POLE: variants seen among roughly 807,000 people sequenced by gnomAD.
POLE encodes the protein DNA polymerase epsilon catalytic subunit A.
POLE carries 188 observed loss-of-function variants against 279.2 expected under a neutral mutation model. That is an observed-to-expected ratio of 0.67 (90% CI 0.60 to 0.76). POLE has a LOEUF of 0.76. Among genes scored for constraint, POLE ranks in the 30% least tolerant of loss-of-function variants. The pLI is 0.00. For synonymous variants in POLE, 1,214 were observed against 1,172.5 expected, an observed-to-expected ratio of 1.04 and a Z score of -0.72; for missense variants, 2,703 against 3,016.7, an observed-to-expected ratio of 0.90 and a Z score of 2.44.
intron 45 of POLE, among the ~76,000 whole-genome samples, chr12:132,627,235 T>C (rs1445607331): frequency 6.6e-6 from 1 of 151,844 alleles, no homozygotes; most frequent in Non-Finnish European, 1.5e-5. Flanking sequence ...TTAGCCAAGA[T>C]TGCACCACTG....
At chr12:132,653,729 G>C (rs887677147) in intron 29 of POLE, among the ~76,000 whole-genome samples, 4 of 152,164 alleles carry the variant, frequency 2.6e-5, no homozygotes, top group Non-Finnish European at 5.9e-5. Flanking sequence ...TGGTTAACAG[G>C]CATCCATTTC....
Position 132,672,271 on chromosome 12 carries a change from G to T in POLE, c.1738C>A (p.His580Asn), listed in dbSNP as rs371149234. ...LLQRVEKTLR[H>N]ALEEEEKVPV... ...ACTTTCTCCTCTTCCTCAAGGGCGT[G>T]GCGCAAGGTCTTCTCAACCCGCTGC... The change falls in exon 16 of 49, where the codon CAC becomes AAC. Residue 580 changes from histidine to asparagine, a missense_variant. By Grantham distance (68) the His-to-Asn change is moderately conservative (BLOSUM62 1). This residue lies in a region of POLE where 1,011 missense variants were observed against 1,111.7 expected (regional missense o/e 0.91). Coordinates refer to ENST00000320574, the MANE Select transcript of POLE (RefSeq NM_006231.4). The T allele has an allele frequency of 8.1e-5, 131 of 1,614,092 alleles. No individual in the cohort carries two copies. Among genetic ancestry groups the T allele is most frequent in the Middle Eastern group, 1.6e-4 (1 of 6,084 alleles).
At position 132,679,518 on chromosome 12, in the gene POLE, G is replaced by A. The variant is rs151325267; in HGVS notation, c.557C>T (p.Ala186Val). The A allele has an allele frequency of 1.9e-5, 30 of 1,613,366 alleles. No individual in the cohort carries two copies. The highest frequency in any genetic ancestry group is 8.8e-5 in the South Asian group (8 of 91,068). ...KNREQDHASD[A>V]YTALLSSVLQ... ...TTACCTGGAAAGCAGAGCTGTGTAC[G>A]CGTCGCTGGCGTGATCCTGCTCCCT... The change falls in exon 6 of 49, where the codon GCG becomes GTG. Residue 186 changes from alanine to valine, a missense_variant. Ala to Val is a moderately conservative substitution (Grantham distance 64). This residue lies in a region of POLE where 1,011 missense variants were observed against 1,111.7 expected (regional missense o/e 0.91). Transcript: ENST00000320574.
chr12:132,646,284 G>A (rs868549774), intron 32 of POLE, among the ~76,000 whole-genome samples: 2 of 152,078 alleles, frequency 1.3e-5, no homozygotes, highest in Non-Finnish European at 2.9e-5. Context: ...AGGGGGACAA[G>A]AGCACCCTCC....
chr12:132,672,448 C>A (rs763810813), intron 15 of POLE, 126 bp from the exon 16 acceptor site: 10 of 1,037,180 alleles, frequency 9.6e-6, no homozygotes, highest in Non-Finnish European at 1.5e-5. Context: ...CTCATGTGCA[C>A]AATCTGCAGT....
At chr12:132,645,781 G>C (rs1321893104) in intron 32 of POLE, among the ~76,000 whole-genome samples, 1 of 134,474 alleles carries the variant, frequency 7.4e-6, no homozygotes, top group Non-Finnish European at 1.5e-5. Context: ...CATGAAATTA[G>C]ACCGACACAC....
chr12:132,648,319 T>G (rs1194729942), intron 32 of POLE, among the ~76,000 whole-genome samples: 11 of 144,642 alleles, frequency 7.6e-5, no homozygotes, highest in African/African-American at 2.3e-4. Context: ...CTTTTTGGAG[T>G]GATGAAAATA....
In POLE at chr12:132,661,800, T is replaced by A; in HGVS notation, c.2707-116A>T. 1 of 990,260 alleles carries A rather than the reference T, an allele frequency of 1.0e-6. No homozygotes were observed. Among genetic ancestry groups the A allele is most frequent in the Non-Finnish European group, 1.5e-6 (1 of 665,798 alleles). The allele number at this position is 990,260 out of a possible 1,614,324, so 61.3% of individuals were successfully genotyped here. A position where few individuals can be genotyped will look rare whatever the true frequency, so the allele number is the denominator to read the frequency against. On this transcript the variant is annotated intron_variant, in intron 23 of 48. Transcript: ENST00000320574. The surrounding 1 kb of genome is among the most constrained non-coding windows in gnomAD (Gnocchi z 4.1). The stretch of plus-strand genomic sequence containing the variant: ...ACAAACCGAGGCTTTTCCACATAAC[T>A]AACACGACTTGGCAGCAGGAAGGAA...
rs766306895 is a variant in POLE, at chr12:132,659,480, G to A, written c.3090C>T (p.Phe1030=). Residue 1030 remains phenylalanine (F), a synonymous_variant, in exon 26 of 49, where the codon TTC becomes TTT. Coordinates refer to ENST00000320574, the MANE Select transcript of POLE (RefSeq NM_006231.4). ...KAANMPDSEL[F]ELISENRSMS... is the part of the protein sequence containing the mutation. ...TGGAACGGTTCTCAGAGATGAGCTC[G>A]AATAGCTCAGAGTCAGGCATGTTGG... 1.8e-5 allele frequency: 29 copies of A among 1,613,926 alleles called. No individual in the cohort carries two copies. Among genetic ancestry groups the A allele is most frequent in the East Asian group, 1.3e-4 (6 of 44,894 alleles).
At chr12:132,666,127 AT>A (rs1430147091) in intron 20 of POLE, among the ~76,000 whole-genome samples, 3 of 152,256 alleles carry the variant, frequency 2.0e-5, no homozygotes, top group Non-Finnish European at 2.9e-5. Flanking sequence ...CTTGCAGCCC[AT>A]GTTGAAACCA....
At chr12:132,628,151 G>C (rs2041870913) in intron 45 of POLE, among the ~76,000 whole-genome samples, 1 of 151,648 alleles carries the variant, frequency 6.6e-6, no homozygotes, top group Non-Finnish European at 1.5e-5. Context: ...AGACCATCCT[G>C]GCTAACATGG....
At chr12:132,660,776 T>A (rs1017500148) in intron 25 of POLE, 193 bp downstream of exon 25, 2 of 435,728 alleles carry the variant, frequency 4.6e-6, no homozygotes, top group Non-Finnish European at 8.1e-6. Flanking sequence ...TCCCTCAGAG[T>A]TGTGTCCCTG....
chr12:132,631,100 C>A (rs2138452671), intron 45 of POLE, among the ~76,000 whole-genome samples: 1 of 152,350 alleles, frequency 6.6e-6, no homozygotes, highest in South Asian at 2.1e-4. Context: ...GGTTTGCCCA[C>A]ACAATGGACA....
chr12:132,676,696 CATTAGG>C (rs754873060), intron 8 of POLE, 43 bp from the exon 9 acceptor site: 1 of 1,250,196 alleles, frequency 8.0e-7, no homozygotes, highest in South Asian at 1.2e-5. Context: ...CTAAACTCCC[CATTAGG>C]CCTCCCTGAA....
rs1555230117 is a variant in POLE, at chr12:132,679,653, T to C, written c.424-2A>G. The C allele has an allele frequency of 6.2e-7, 1 of 1,607,350 alleles. No homozygotes were observed. The highest frequency in any genetic ancestry group is 8.5e-7 in the Non-Finnish European group (1 of 1,174,232). ...CTTCAAACCCACCAAGTGATTTGGC[T>C]ATAATGCGAAGAGATCACGCTCATT... On this transcript the variant is annotated splice_acceptor_variant, in intron 5 of 48. Coordinates refer to ENST00000320574, the MANE Select transcript of POLE (RefSeq NM_006231.4). LOFTEE classifies it high-confidence loss of function.
At chr12:132,629,373 G>A (rs148893858) in intron 45 of POLE, among the ~76,000 whole-genome samples, 141 of 152,354 alleles carry the variant, frequency 9.3e-4, no homozygotes, top group South Asian at 1.7e-3. Flanking sequence ...AGTCCTAGAT[G>A]GCATCTTCTT....
At position 132,675,234 on chromosome 12, in the gene POLE, C is replaced by T. The variant is rs903325875; in HGVS notation, c.1226+164G>A. Reference sequence around the variant, plus strand: ...GTCAACAGTCAAAGACAGCACATCCCGGGCCCTGGCAGGGTTGCAGCTGCC... The same window carrying T: ...GTCAACAGTCAAAGACAGCACATCCTGGGCCCTGGCAGGGTTGCAGCTGCC... On this transcript the variant is annotated intron_variant, in intron 12 of 48. Transcript: ENST00000320574. The surrounding 1 kb of genome is among the most constrained non-coding windows in gnomAD (Gnocchi z 4.3). Among the ~76,000 whole-genome samples the T allele has an allele frequency of 3.3e-5, 5 of 152,222 alleles. No homozygotes were observed. Among genetic ancestry groups the T allele is most frequent in the East Asian group, 1.9e-4 (1 of 5,196 alleles).
chr12:132,673,612 G>A lies in POLE; in HGVS notation c.1322C>T (p.Pro441Leu), dbSNP rs775340163. Residue 441 changes from proline to leucine, a missense_variant, in exon 13 of 49, where the codon CCG becomes CTG. Transcript: ENST00000320574. Reference sequence around the variant, plus strand: ...CGTGGCCATCCGGCACATGTCCTCCGGGTCTAGCTCCACGGGATCATAGCC... The same window carrying A: ...CGTGGCCATCCGGCACATGTCCTCCAGGTCTAGCTCCACGGGATCATAGCC... ...KLGYDPVELDPEDMCRMATEQ... is the reference protein window; with the variant it reads ...KLGYDPVELDLEDMCRMATEQ... The A allele has an allele frequency of 3.7e-6, 6 of 1,613,656 alleles. No homozygotes were observed. The highest frequency in any genetic ancestry group is 1.3e-5 in the African/African-American group (1 of 75,060).
intron 39 of POLE, chr12:132,641,004 T>C (rs2042129085): frequency 2.2e-6 from 1 of 456,608 alleles, no homozygotes; most frequent in Non-Finnish European, 4.4e-6. Context: ...AAAGACTTGT[T>C]TTTGAGCACC....
Sources: allele counts gnomAD v4.1 joint callset (sites outside exome capture counted in the v4.1 genomes callset), GRCh38; gene constraint gnomAD v4.1.1; regional missense constraint gnomAD v4.1.1; non-coding constraint Gnocchi (gnomAD v3.1); transcripts MANE v1.5; gene names NCBI Gene and HGNC (gene_info 2026-07-23, HGNC 2026-07-21).